Variants in TULP4 observed in about 807,000 individuals in gnomAD.
TULP4 encodes the protein TUB like protein 4.
TULP4 carries 16 observed loss-of-function variants against 129.0 expected under a neutral mutation model. The ratio of observed to expected loss-of-function variants is 0.12; its 90% CI spans 0.08 to 0.19. The LOEUF is 0.19. TULP4 is among the 10% of genes least tolerant of loss of function. The pLI, the probability that TULP4 is intolerant of heterozygous loss-of-function variation, is 1.00. For synonymous variants in TULP4, 998 were observed against 854.0 expected (o/e 1.17, Z -2.94); for missense variants, 1,842 against 2,059.1 (o/e 0.89, Z 2.04).
intron 1 of TULP4, among the ~76,000 whole-genome samples, chr6:158,258,079 G>T (rs915006725): frequency 6.6e-6 from 1 of 151,134 alleles, no homozygotes; most frequent in Non-Finnish European, 1.5e-5. Context: ...ACAATCAGCG[G>T]AAAGGACTGT....
At chr6:158,318,633 A>G (rs766981601) in intron 1 of TULP4, among the ~76,000 whole-genome samples, 8 of 152,102 alleles carry the variant, frequency 5.3e-5, no homozygotes, top group South Asian at 4.1e-4. Flanking sequence ...TTTTCCTACA[A>G]CTTTATTTTC....
chr6:158,471,550 G>A (rs1779682778), intron 6 of TULP4, among the ~76,000 whole-genome samples: 1 of 152,232 alleles, frequency 6.6e-6, no homozygotes, highest in Non-Finnish European at 1.5e-5. Flanking sequence ...AAAATGGGAA[G>A]TTGTGGTTGG....
intron 1 of TULP4, among the ~76,000 whole-genome samples, chr6:158,259,853 A>G (rs1458738496): frequency 6.6e-6 from 1 of 152,254 alleles, no homozygotes; most frequent in Non-Finnish European, 1.5e-5. Context: ...CAACTCAGGA[A>G]CAGCCAAATG....
At chr6:158,444,072 T>C (rs1026205732) in intron 3 of TULP4, among the ~76,000 whole-genome samples, 1 of 151,552 alleles carries the variant, frequency 6.6e-6, no homozygotes, top group East Asian at 1.9e-4. Flanking sequence ...TACAAAAAAT[T>C]AGCCTGGCGT....
At chr6:158,328,009 G>C (rs761535893) in intron 1 of TULP4, among the ~76,000 whole-genome samples, 3 of 151,212 alleles carry the variant, frequency 2.0e-5, no homozygotes, top group Non-Finnish European at 2.9e-5. Context: ...TAGTGGTCCA[G>C]TTTCTTTCAG....
intron 13 of TULP4, among the ~76,000 whole-genome samples, chr6:158,505,105 A>G (rs1327454246): frequency 6.6e-6 from 1 of 152,142 alleles, no homozygotes; most frequent in Non-Finnish European, 1.5e-5. Context: ...TGTATATGGA[A>G]GTCATTCCCC....
At position 158,511,085 on chromosome 6, in the gene TULP4, T is replaced by G. The variant is rs1319378480; in HGVS notation, c.*4391T>G. 2.0e-5 allele frequency: 3 copies of G among 152,790 alleles called. No individual in the cohort carries two copies. The East Asian group carries it at 5.8e-4, about 29-fold the overall frequency. The allele number at this position is 152,790 out of a possible 1,614,324, so 9.5% of individuals were successfully genotyped here. On this transcript the variant is annotated 3_prime_UTR_variant, in exon 14 of 14. Coordinates refer to ENST00000367097, the MANE Select transcript of TULP4 (RefSeq NM_020245.5). ...TCTGGCTGATAAAACTCTAATGGGT[T>G]GTGGCTTACTTTGTTTCCATTTTCT... is the stretch of plus-strand genomic sequence containing the variant.
At chr6:158,239,663 AC>A in intron 1 of TULP4, among the ~76,000 whole-genome samples, 1 of 63,938 alleles carries the variant, frequency 1.6e-5, no homozygotes, top group South Asian at 6.3e-4. Flanking sequence ...TCCCTCCCGG[AC>A]CGGGCGGCTG....
chr6:158,256,853 G>A (rs1421206810), intron 1 of TULP4, among the ~76,000 whole-genome samples: 1 of 152,160 alleles, frequency 6.6e-6, no homozygotes, highest in Non-Finnish European at 1.5e-5. Context: ...TATCCAGGCA[G>A]GATTTTAGTT....
intron 5 of TULP4, among the ~76,000 whole-genome samples, chr6:158,454,852 C>T (rs905688871): frequency 6.6e-6 from 1 of 151,896 alleles, no homozygotes; most frequent in Non-Finnish European, 1.5e-5. Flanking sequence ...GTGATCCACC[C>T]GCCTGGGCCT....
chr6:158,273,493 A>T (rs1291778265), intron 1 of TULP4, among the ~76,000 whole-genome samples: 1 of 151,988 alleles, frequency 6.6e-6, no homozygotes, highest in African/African-American at 2.4e-5. Context: ...CTATACTTTG[A>T]CTCCGAGGTT....
chr6:158,308,834 G>A (rs1490413746), upstream of TULP4, among the ~76,000 whole-genome samples: 3 of 144,218 alleles, frequency 2.1e-5, no homozygotes, highest in East Asian at 4.3e-4. Flanking sequence ...AGGGGCGGCC[G>A]GGCAGAGGCG....
At position 158,502,067 on chromosome 6, in the gene TULP4, G is replaced by A; in HGVS notation, c.2404G>A (p.Ala802Thr). 1 of 1,613,246 alleles carries A rather than the reference G, an allele frequency of 6.2e-7. No homozygotes were observed. The highest frequency in any genetic ancestry group is 1.1e-5 in the South Asian group (1 of 90,930). Reference sequence around the variant, plus strand: ...AGACCACGAACACCTGCAGAAGTCAGCCAAGGCCCTGCGGCCAACACCGCA... The same window carrying A: ...AGACCACGAACACCTGCAGAAGTCAACCAAGGCCCTGCGGCCAACACCGCA... ...DRDHEHLQKS[A>T]KALRPTPQLA... The change falls in exon 13 of 14, where the codon GCC (alanine) becomes ACC (threonine). Residue 802 changes from alanine to threonine, a missense_variant. This residue lies in a region of TULP4 where 1,089 missense variants were observed against 987.1 expected (regional missense o/e 1.10). Transcript: ENST00000367097.
intron 8 of TULP4, chr6:158,481,634 A>C (rs1193770164): frequency 3.2e-6 from 1 of 315,572 alleles, no homozygotes; most frequent in Non-Finnish European, 6.1e-6. Context: ...TATTGAGACA[A>C]CTTGAAAATA....
At chr6:158,293,390 A>G (rs9456266) in intron 1 of TULP4, among the ~76,000 whole-genome samples, 26,271 of 152,224 alleles carry the variant, frequency 0.17, 2,708 homozygotes, top group Middle Eastern at 0.24. Flanking sequence ...AACTGAGGCA[A>G]TGTGCCATGC....
rs1007984362 is a variant in TULP4 at position 158,511,083 on chromosome 6, G to A, written c.*4389G>A. 6.6e-6 allele frequency: 1 copy of A among 152,592 alleles called. No individual in the cohort carries two copies. Among genetic ancestry groups the A allele is most frequent in the Non-Finnish European group, 1.5e-5 (1 of 68,038 alleles). 9.5% of individuals were successfully genotyped at this position (152,592 alleles called of 1,614,324 possible). A position where few individuals can be genotyped will look rare whatever the true frequency, so the allele number is the denominator to read the frequency against. ...CCTCTGGCTGATAAAACTCTAATGGGTTGTGGCTTACTTTGTTTCCATTTT... is the reference window on the plus strand; with the variant it reads ...CCTCTGGCTGATAAAACTCTAATGGATTGTGGCTTACTTTGTTTCCATTTT... On this transcript the variant is annotated 3_prime_UTR_variant, in exon 14 of 14. Coordinates refer to ENST00000367097, the MANE Select transcript of TULP4 (RefSeq NM_020245.5).
intron 6 of TULP4, among the ~76,000 whole-genome samples, chr6:158,476,107 C>T (rs979629258): frequency 6.6e-6 from 1 of 152,220 alleles, no homozygotes; most frequent in African/African-American, 2.4e-5. Context: ...GTTTTTCTAG[C>T]ACAGCCTTAA....
intron 1 of TULP4, among the ~76,000 whole-genome samples, chr6:158,268,694 T>C (rs1386125392): frequency 6.6e-6 from 1 of 152,236 alleles, no homozygotes; most frequent in East Asian, 1.9e-4. Context: ...CCTATTTTAC[T>C]GAACTCTTAA....
At chr6:158,238,200 T>C (rs1777758687) in intron 1 of TULP4, 1 of 812,686 alleles carries the variant, frequency 1.2e-6, no homozygotes, top group Non-Finnish European at 2.2e-6. Context: ...AACTGTGCCA[T>C]GGTCAGCTTA....
Sources: gnomAD v4.1 joint callset for allele counts (sites outside exome capture counted in the v4.1 genomes callset) on GRCh38, gnomAD v4.1.1 for gene constraint, gnomAD v4.1.1 regional missense constraint, MANE v1.5 for transcripts, NCBI Gene and HGNC (gene_info 2026-07-23, HGNC 2026-07-21) for gene names.